LSM4: variants seen among roughly 807,000 people sequenced by gnomAD.
The protein encoded by LSM4 is LSM4 homolog, U6 small nuclear RNA and mRNA degradation associated.
A neutral mutation model predicts 22.3 loss-of-function variants in LSM4; 15 were observed. That is an observed-to-expected ratio of 0.67 (90% CI 0.45 to 1.03). The LOEUF (loss-of-function observed/expected upper bound fraction) is 1.03, where lower values mean the gene tolerates loss of function less well. LSM4 is among the 50% of genes least tolerant of loss of function. LSM4 has a pLI of 0.00. For synonymous variants in LSM4, 90 were observed against 79.8 expected (o/e 1.13, Z -0.68); for missense variants, 127 against 198.0 (o/e 0.64, Z 2.15).
At chr19:18,309,575 G>A (rs1970274186) in intron 4 of LSM4, 103 bp downstream of exon 4, 2 of 1,287,150 alleles carry the variant, frequency 1.6e-6, no homozygotes, top group Admixed American at 5.1e-5. Context: ...GGGAGGGTTG[G>A]GAGGCTCCGA....
chr19:18,316,327 ACT>A (rs1970356376), intron 1 of LSM4: 1 of 288,866 alleles, frequency 3.5e-6, no homozygotes, highest in South Asian at 7.7e-5. Flanking sequence ...GGTGCTGAAC[ACT>A]CTGGTCAATT....
At chr19:18,307,673 G>A in intron 4 of LSM4, 118 bp from the exon 5 acceptor site, 1 of 670,496 alleles carries the variant, frequency 1.5e-6, no homozygotes, top group Non-Finnish European at 2.3e-6. Context: ...GCTTCCTCAT[G>A]TGTGAGGTGG....
chr19:18,306,630 CCA>C lies in LSM4; in HGVS notation c.*832_*833del, dbSNP rs1350596201. 6.6e-6 allele frequency: 1 copy of C among 152,386 alleles called. No homozygotes were observed. The highest frequency in any genetic ancestry group is 1.5e-5 in the Non-Finnish European group (1 of 68,168). The allele number at this position is 152,386 out of a possible 1,614,324, so 9.4% of individuals were successfully genotyped here. A position where few individuals can be genotyped will look rare whatever the true frequency, so the allele number is the denominator to read the frequency against. On this transcript the variant is annotated 3_prime_UTR_variant, in exon 5 of 5. Coordinates refer to ENST00000593829, the MANE Select transcript of LSM4 (RefSeq NM_012321.5). ...TGGCCCCTGCCTGGGACTTCCCTCC[CCA>C]CACACCCCTTGGCATTAACGTCTCC...
chr19:18,320,786 ACT>A (rs1214626228), intron 1 of LSM4, among the ~76,000 whole-genome samples: 1 of 152,084 alleles, frequency 6.6e-6, no homozygotes, highest in Non-Finnish European at 1.5e-5. Context: ...ACAGAACAAG[ACT>A]CTGTCTCAAA....
chr19:18,308,888 G>A (rs929126862), intron 4 of LSM4, among the ~76,000 whole-genome samples: 4 of 152,156 alleles, frequency 2.6e-5, no homozygotes, highest in African/African-American at 7.2e-5. Context: ...TGCACTCCAT[G>A]GCCCAGTGGC....
At chr19:18,311,757 C>A (rs926084207) in intron 3 of LSM4, among the ~76,000 whole-genome samples, 1 of 152,176 alleles carries the variant, frequency 6.6e-6, no homozygotes, top group Non-Finnish European at 1.5e-5. Context: ...TGTCCCCACC[C>A]CGCCCAGCCC....
chr19:18,319,216 T>C (rs1352286779), intron 1 of LSM4, among the ~76,000 whole-genome samples: 1 of 150,976 alleles, frequency 6.6e-6, no homozygotes, highest in Non-Finnish European at 1.5e-5. Context: ...CACTCCAGCC[T>C]GGGCAACAGA....
intron 4 of LSM4, among the ~76,000 whole-genome samples, chr19:18,308,407 G>A (rs1970257519): frequency 6.6e-6 from 1 of 152,232 alleles, no homozygotes; most frequent in African/African-American, 2.4e-5. Flanking sequence ...GCCCCGTTTA[G>A]GGAGCCGTTT....
chr19:18,307,356 GT>G lies in LSM4; in HGVS notation c.*107del, dbSNP rs1970238165. 4.6e-6 allele frequency: 4 copies of G among 870,280 alleles called. No individual in the cohort carries two copies. In the Admixed American group the frequency reaches 1.7e-4, roughly 37 times the overall value. 53.9% of individuals were successfully genotyped at this position (870,280 alleles called of 1,614,324 possible). A position where few individuals can be genotyped will look rare whatever the true frequency, so the allele number is the denominator to read the frequency against. ...GGGAGGGTCACAAAACACGAAGGGG[GT>G]TCCCCCTGGCGCCTGCCTCTTCCTT... On this transcript the variant is annotated 3_prime_UTR_variant, in exon 5 of 5. Transcript: ENST00000593829.
chr19:18,312,263 C>G (rs930611461), intron 3 of LSM4: 15 of 251,058 alleles, frequency 6.0e-5, no homozygotes, highest in South Asian at 1.5e-4. Context: ...AACATCCAGG[C>G]TGGACTAAAG....
At chr19:18,318,524 G>A (rs1383302303) in intron 1 of LSM4, among the ~76,000 whole-genome samples, 1 of 152,242 alleles carries the variant, frequency 6.6e-6, no homozygotes, top group Non-Finnish European at 1.5e-5. Context: ...AAACACAGGA[G>A]CCACAGACTG....
intron 1 of LSM4, among the ~76,000 whole-genome samples, chr19:18,318,390 T>C (rs1466631954): frequency 2.6e-5 from 4 of 152,170 alleles, no homozygotes; most frequent in Non-Finnish European, 5.9e-5. Flanking sequence ...ACCGGCTTCC[T>C]GGAAGAGCCA....
intron 4 of LSM4, among the ~76,000 whole-genome samples, chr19:18,307,787 G>T (rs1283796134): frequency 3.0e-4 from 1 of 3,336 alleles, no homozygotes; most frequent in Admixed American, 2.8e-3. Flanking sequence ...CCAGGGATGC[G>T]GGGGGGGGGG....
At position 18,319,359 on chromosome 19, in the gene LSM4, C is replaced by G. The variant is rs182607971; in HGVS notation, c.4-3294G>C. Among the ~76,000 whole-genome samples the G allele has an allele frequency of 5.3e-5, 8 of 152,086 alleles. No homozygotes were observed. In the South Asian group the frequency reaches 8.3e-4, roughly 16 times the overall value. On this transcript the variant is annotated intron_variant, in intron 1 of 4. Transcript: ENST00000593829. Reference sequence around the variant, plus strand: ...TGGGCGGATCACGAGGTCAGGAGTTCGAGACCAGCCTGGCCAATATGGTGA... The same window carrying G: ...TGGGCGGATCACGAGGTCAGGAGTTGGAGACCAGCCTGGCCAATATGGTGA...
In LSM4 at chr19:18,309,736, G is replaced by T. The variant is rs767630097; in HGVS notation, c.270C>A (p.Arg90=). 2 of 1,612,978 alleles carry T rather than the reference G, an allele frequency of 1.2e-6. No individual in the cohort carries two copies. Among genetic ancestry groups the T allele is most frequent in the Admixed American group, 3.3e-5 (2 of 59,780 alleles). The change falls in exon 4 of 5, where the codon CGC becomes CGA. Residue 90 remains arginine (R), a synonymous_variant. Coordinates refer to ENST00000593829, the MANE Select transcript of LSM4 (RefSeq NM_012321.5). ...GCTGCTTCTGCTGCTGCAGGCCTCCGCGGCCGCGGCCCTTGGCCACCACCT... is the reference window on the plus strand; with the variant it reads ...GCTGCTTCTGCTGCTGCAGGCCTCCTCGGCCGCGGCCCTTGGCCACCACCT... The part of the protein sequence containing the change: ...KEEVVAKGRG[R]GGLQQQKQQK...
intron 4 of LSM4, among the ~76,000 whole-genome samples, chr19:18,308,732 C>A (rs1970261309): frequency 6.6e-6 from 1 of 152,176 alleles, no homozygotes; most frequent in African/African-American, 2.4e-5. Context: ...GAGGTCAGGG[C>A]TCTCACCAGC....
At chr19:18,314,892 CT>C (rs71164394) in intron 2 of LSM4, among the ~76,000 whole-genome samples, 2 of 149,318 alleles carry the variant, frequency 1.3e-5, no homozygotes, top group Admixed American at 6.7e-5. Flanking sequence ...TAATATTATC[CT>C]TTTTTTTTTG....
chr19:18,317,098 G>C (rs2148144498), intron 1 of LSM4, among the ~76,000 whole-genome samples: 1 of 151,112 alleles, frequency 6.6e-6, no homozygotes, highest in Admixed American at 6.6e-5. Flanking sequence ...TTGGCTCACT[G>C]CAACTTCCAC....
chr19:18,315,173 C>T (rs906300674), intron 2 of LSM4, among the ~76,000 whole-genome samples: 5 of 151,880 alleles, frequency 3.3e-5, no homozygotes, highest in Non-Finnish European at 7.4e-5. Flanking sequence ...CCACCACGCC[C>T]GGCCAATATT....
Sources: gnomAD v4.1 joint callset for allele counts (sites outside exome capture counted in the v4.1 genomes callset) on GRCh38, gnomAD v4.1.1 for gene constraint, MANE v1.5 for transcripts, NCBI Gene and HGNC (gene_info 2026-07-23, HGNC 2026-07-21) for gene names.